Variants in MYRIP observed in about 807,000 individuals in gnomAD.
MYRIP encodes the protein rab effector MyRIP.
Under a neutral mutation model 98.0 loss-of-function variants are expected in MYRIP, and 49 were observed. The observed-to-expected ratio is 0.50, with a 90% CI of 0.40 to 0.63. The LOEUF is 0.63. Ranked by LOEUF, MYRIP falls within the 30% of genes least tolerant of loss-of-function variation. The pLI is 0.00. For missense variants in MYRIP, 1,004 were observed against 1,058.2 expected, an observed-to-expected ratio of 0.95 and a Z score of 0.71; for synonymous variants, 404 against 409.5, an observed-to-expected ratio of 0.99 and a Z score of 0.16.
intron 2 of MYRIP, among the ~76,000 whole-genome samples, chr3:39,903,961 A>C (rs1943812421): frequency 6.6e-6 from 1 of 152,204 alleles, no homozygotes. Context: ...CAGAATCCAA[A>C]CAAGGTCCAC....
chr3:40,234,983 AC>A (rs1952787660), intron 12 of MYRIP, among the ~76,000 whole-genome samples: 1 of 131,020 alleles, frequency 7.6e-6, no homozygotes, highest in African/African-American at 2.9e-5. Context: ...ACAGAGCAAG[AC>A]CCTGTCTCAA....
intron 2 of MYRIP, among the ~76,000 whole-genome samples, chr3:39,911,287 G>A (rs936137163): frequency 4.2e-5 from 5 of 120,296 alleles, no homozygotes; most frequent in Non-Finnish European, 7.1e-5. Context: ...TGCTTGTAAT[G>A]TAGAAAAAGG....
At chr3:39,845,514 A>G (rs1439282509) in intron 1 of MYRIP, among the ~76,000 whole-genome samples, 1 of 152,106 alleles carries the variant, frequency 6.6e-6, no homozygotes, top group Admixed American at 6.5e-5. Flanking sequence ...CTCAGTTTCA[A>G]AGTCATATAC....
chr3:40,250,627 A>G lies in MYRIP; in HGVS notation c.2428+128A>G, dbSNP rs569125006. On this transcript the variant is annotated intron_variant, in intron 15 of 16. Coordinates refer to ENST00000302541, the MANE Select transcript of MYRIP (RefSeq NM_015460.4). The stretch of plus-strand genomic sequence containing the variant: ...TTCTCACACAGAATTGCTCTTGTCT[A>G]TCTTGATTTGGGTCCCCCCAGAAGC... The G allele has an allele frequency of 5.7e-5, 65 of 1,136,474 alleles. No individual in the cohort carries two copies. In the East Asian group the frequency reaches 1.5e-3, roughly 27 times the overall value. The allele number at this position is 1,136,474 out of a possible 1,614,324, so 70.4% of individuals were successfully genotyped here. A position where few individuals can be genotyped will look rare whatever the true frequency, so the allele number is the denominator to read the frequency against.
At chr3:40,046,387 A>G (rs1052566534) in intron 3 of MYRIP, among the ~76,000 whole-genome samples, 1 of 151,834 alleles carries the variant, frequency 6.6e-6, no homozygotes, top group Non-Finnish European at 1.5e-5. Flanking sequence ...TGTCTTCTTC[A>G]TTTGTAGCAC....
intron 2 of MYRIP, among the ~76,000 whole-genome samples, chr3:39,960,462 T>C (rs1447270055): frequency 1.3e-5 from 2 of 152,120 alleles, no homozygotes; most frequent in African/African-American, 2.4e-5. Flanking sequence ...TTGTTCTTTT[T>C]CCCTCTTTTC....
intron 2 of MYRIP, among the ~76,000 whole-genome samples, chr3:39,937,008 T>G (rs571579328): frequency 2.7e-4 from 41 of 152,272 alleles, no homozygotes; most frequent in Admixed American, 7.2e-4. Flanking sequence ...AGGTCACTGA[T>G]CCAAAGTCAC....
At chr3:39,897,902 A>C (rs1170180323) in intron 1 of MYRIP, among the ~76,000 whole-genome samples, 1 of 150,748 alleles carries the variant, frequency 6.6e-6, no homozygotes. Context: ...GCTCCTTAGA[A>C]TCTCATTTAG....
At chr3:40,136,653 A>G (rs1460811307) in intron 3 of MYRIP, among the ~76,000 whole-genome samples, 1 of 151,674 alleles carries the variant, frequency 6.6e-6, no homozygotes, top group Non-Finnish European at 1.5e-5. Flanking sequence ...TCCTCAGCAA[A>G]TGTAAAAGAA....
At chr3:40,060,957 G>GA (rs1333100225) in intron 3 of MYRIP, among the ~76,000 whole-genome samples, 1 of 152,212 alleles carries the variant, frequency 6.6e-6, no homozygotes, top group South Asian at 2.1e-4. Flanking sequence ...AATTGGATGT[G>GA]CTTTCATTAT....
chr3:39,911,882 G>A (rs1266816681), intron 2 of MYRIP, among the ~76,000 whole-genome samples: 1 of 152,156 alleles, frequency 6.6e-6, no homozygotes, highest in East Asian at 1.9e-4. Flanking sequence ...CTCAGCTTCT[G>A]AAGCCAACAG....
chr3:40,178,072 C>G (rs1352758615), intron 8 of MYRIP, among the ~76,000 whole-genome samples: 1 of 152,112 alleles, frequency 6.6e-6, no homozygotes, highest in Non-Finnish European at 1.5e-5. Context: ...TACATATGAC[C>G]ACTCTTCTTG....
intron 12 of MYRIP, among the ~76,000 whole-genome samples, chr3:40,236,607 T>C (rs772749078): frequency 1.3e-5 from 2 of 152,266 alleles, no homozygotes; most frequent in Non-Finnish European, 2.9e-5. Context: ...TCATGATCAC[T>C]GAGTATTTCA....
intron 5 of MYRIP, 138 bp downstream of exon 5, chr3:40,162,948 G>T: frequency 1.4e-6 from 1 of 694,348 alleles, no homozygotes; most frequent in Non-Finnish European, 2.4e-6. Context: ...AGTCTCCCTG[G>T]GTCACTTATT....
chr3:40,063,473 T>C (rs1164091521), intron 3 of MYRIP, among the ~76,000 whole-genome samples: 9 of 152,222 alleles, frequency 5.9e-5, no homozygotes, highest in Non-Finnish European at 1.0e-4. Context: ...GTTTGACCTA[T>C]ACAAAAGGTC....
At chr3:39,975,629 C>G (rs867857930) in intron 2 of MYRIP, among the ~76,000 whole-genome samples, 2 of 151,342 alleles carry the variant, frequency 1.3e-5, no homozygotes, top group African/African-American at 4.9e-5. Flanking sequence ...GGAGGCATCA[C>G]GCTACCTGAC....
At chr3:39,972,745 GT>G (rs1476150823) in intron 2 of MYRIP, among the ~76,000 whole-genome samples, 2 of 151,254 alleles carry the variant, frequency 1.3e-5, no homozygotes, top group South Asian at 2.1e-4. Context: ...CCTGCCATTT[GT>G]TTTTTTTCCC....
chr3:40,045,610 G>C (rs1947654614), intron 3 of MYRIP, among the ~76,000 whole-genome samples: 1 of 152,222 alleles, frequency 6.6e-6, no homozygotes, highest in South Asian at 2.1e-4. Flanking sequence ...TACGTGACTT[G>C]AATATTGTGG....
chr3:40,113,908 C>T (rs186841458), intron 3 of MYRIP, among the ~76,000 whole-genome samples: 242 of 152,198 alleles, frequency 1.6e-3, no homozygotes, highest in Non-Finnish European at 2.2e-3. Flanking sequence ...CCAGGATGGT[C>T]TCGATCTCCT....
Sources: gnomAD v4.1 joint callset for allele counts (sites outside exome capture counted in the v4.1 genomes callset) on GRCh38, gnomAD v4.1.1 for gene constraint, MANE v1.5 for transcripts, NCBI Gene and HGNC (gene_info 2026-07-23, HGNC 2026-07-21) for gene names.